The following KALRN variants were observed in gnomAD, a reference collection of about 807,000 sequenced individuals.
KALRN encodes the protein kalirin RhoGEF kinase.
In KALRN, 70 loss-of-function variants were observed where a neutral mutation model predicts 353.7. The ratio of observed to expected loss-of-function variants is 0.20; its 90% CI spans 0.16 to 0.24. KALRN has a LOEUF of 0.24. Among genes scored for constraint, KALRN ranks in the 10% least tolerant of loss-of-function variants. KALRN has a pLI of 1.00. For synonymous variants in KALRN, 1,391 were observed against 1,434.8 expected (o/e 0.97, Z 0.69); for missense variants, 2,791 against 3,756.7 (o/e 0.74, Z 6.72).
intron 13 of KALRN, among the ~76,000 whole-genome samples, chr3:124,408,680 A>T (rs1209935754): frequency 6.6e-6 from 1 of 152,190 alleles, no homozygotes; most frequent in Non-Finnish European, 1.5e-5. Context: ...GTTGCAGGTG[A>T]TAAAGAGTTG....
chr3:124,325,314 A>G (rs1435051287), intron 6 of KALRN, among the ~76,000 whole-genome samples: 3 of 152,114 alleles, frequency 2.0e-5, no homozygotes, highest in Non-Finnish European at 4.4e-5. Flanking sequence ...TCAAGCAGAG[A>G]TAAGAAAGGG....
At chr3:124,339,701 T>C (rs1316440466) in intron 9 of KALRN, among the ~76,000 whole-genome samples, 5 of 152,218 alleles carry the variant, frequency 3.3e-5, no homozygotes, top group Admixed American at 3.3e-4. Context: ...GTCTTGTAGA[T>C]GCCTGATGGC....
chr3:124,565,784 CA>C (rs1490297525), intron 34 of KALRN, among the ~76,000 whole-genome samples: 1 of 152,200 alleles, frequency 6.6e-6, no homozygotes, highest in Non-Finnish European at 1.5e-5. Flanking sequence ...TTCGCAGGAG[CA>C]AACCCAAGGT....
At chr3:124,617,122 A>G (rs985548799) in intron 34 of KALRN, among the ~76,000 whole-genome samples, 3 of 152,148 alleles carry the variant, frequency 2.0e-5, no homozygotes, top group Non-Finnish European at 4.4e-5. Flanking sequence ...ACTTGAGATC[A>G]GGAGTTTGAG....
intron 27 of KALRN, among the ~76,000 whole-genome samples, chr3:124,477,818 A>T (rs565410608): frequency 5.3e-5 from 8 of 151,928 alleles, no homozygotes; most frequent in Admixed American, 1.3e-4. Flanking sequence ...TCTCTAATGC[A>T]ATTGATTCAA....
intron 54 of KALRN, 59 bp from the exon 55 acceptor site, chr3:124,697,534 T>C (rs2062110964): frequency 2.0e-6 from 3 of 1,502,938 alleles, no homozygotes; most frequent in Non-Finnish European, 1.8e-6. Context: ...ACTTATACCT[T>C]GGTGTAAAAT....
intron 1 of KALRN, among the ~76,000 whole-genome samples, chr3:124,080,245 A>G (rs2060473374): frequency 6.6e-6 from 1 of 152,176 alleles, no homozygotes; most frequent in Non-Finnish European, 1.5e-5. Flanking sequence ...CCTTTCCCAC[A>G]CTGTAAAACT....
intron 34 of KALRN, among the ~76,000 whole-genome samples, chr3:124,610,334 A>T (rs2149543244): frequency 6.6e-6 from 1 of 152,356 alleles, no homozygotes; most frequent in Admixed American, 6.5e-5. Flanking sequence ...ACCGGGCCAC[A>T]GAAGAAAACA....
chr3:124,315,124 T>A lies in KALRN; in HGVS notation c.1093-10856T>A, dbSNP rs59809156. On this transcript the variant is annotated intron_variant, in intron 6 of 59. Coordinates refer to ENST00000682506, the MANE Select transcript of KALRN (RefSeq NM_001388419.1). The stretch of plus-strand genomic sequence containing the variant: ...AACATGAGGTTTGGAGAGTCAAGTA[T>A]CTAAACTACAGGAGAAGATGAGGAC... Among the ~76,000 whole-genome samples the A allele has an allele frequency of 7.8e-3, 1,186 of 152,274 alleles. 24 individuals carry two copies. Among genetic ancestry groups the A allele is most frequent in the African/African-American group, 0.028 (1,150 of 41,546 alleles).
intron 13 of KALRN, among the ~76,000 whole-genome samples, chr3:124,408,254 TTTTTG>T (rs2091792878): frequency 6.6e-6 from 1 of 152,218 alleles, no homozygotes; most frequent in South Asian, 2.1e-4. Context: ...TGGGTTTTGT[TTTTTG>T]TTTTGTTTTT....
chr3:124,453,282 C>T (rs1224938545), intron 21 of KALRN, among the ~76,000 whole-genome samples: 3 of 152,218 alleles, frequency 2.0e-5, no homozygotes, highest in African/African-American at 4.8e-5. Context: ...CACCAAAGCT[C>T]TTGCCCTTTA....
chr3:124,208,027 A>G (rs1280779036), intron 1 of KALRN, among the ~76,000 whole-genome samples: 9 of 152,158 alleles, frequency 5.9e-5, no homozygotes, highest in Admixed American at 5.2e-4. Flanking sequence ...GAGACTGGGT[A>G]CACGCTTTCC....
At chr3:124,666,930 A>G in intron 46 of KALRN, 82 bp from the exon 47 acceptor site, 1 of 1,409,952 alleles carries the variant, frequency 7.1e-7, no homozygotes, top group Non-Finnish European at 9.6e-7. Flanking sequence ...GTCCTGAAAT[A>G]GAAACTTTGA....
chr3:124,291,326 T>C (rs2076402854), intron 5 of KALRN, among the ~76,000 whole-genome samples: 1 of 152,208 alleles, frequency 6.6e-6, no homozygotes, highest in Admixed American at 6.5e-5. Flanking sequence ...CATCAGGTAT[T>C]TGCAGTTCAC....
At chr3:124,175,597 G>A (rs867482704) in intron 1 of KALRN, among the ~76,000 whole-genome samples, 4 of 151,854 alleles carry the variant, frequency 2.6e-5, no homozygotes, top group South Asian at 4.2e-4. Context: ...GTGGAGGTGC[G>A]CGCTGCCGAG....
intron 33 of KALRN, among the ~76,000 whole-genome samples, chr3:124,548,301 T>A (rs2069977378): frequency 6.6e-6 from 1 of 152,192 alleles, no homozygotes; most frequent in African/African-American, 2.4e-5. Context: ...TGACTTATAT[T>A]TAAAGGAGGA....
chr3:124,448,753 A>G (rs1301111469), intron 21 of KALRN, among the ~76,000 whole-genome samples: 5 of 152,152 alleles, frequency 3.3e-5, no homozygotes, highest in Non-Finnish European at 5.9e-5. Context: ...CCAGTAATCT[A>G]TGCAATGTTA....
At chr3:124,309,080 C>T (rs1356134714) in intron 6 of KALRN, among the ~76,000 whole-genome samples, 2 of 151,996 alleles carry the variant, frequency 1.3e-5, no homozygotes, top group African/African-American at 4.8e-5. Context: ...GTAGTAACAA[C>T]TGATACTGAT....
At chr3:124,289,472 C>T (rs890211874) in intron 5 of KALRN, among the ~76,000 whole-genome samples, 1 of 151,834 alleles carries the variant, frequency 6.6e-6, no homozygotes, top group Non-Finnish European at 1.5e-5. Flanking sequence ...CTTAATCTCT[C>T]TGAATCTGTT....
Sources: gnomAD v4.1 joint callset for allele counts (sites outside exome capture counted in the v4.1 genomes callset) on GRCh38, gnomAD v4.1.1 for gene constraint, MANE v1.5 for transcripts, NCBI Gene and HGNC (gene_info 2026-07-23, HGNC 2026-07-21) for gene names.